Variants in TENM2 observed in about 807,000 individuals in gnomAD.
TENM2 encodes teneurin-2.
In TENM2, 52 loss-of-function variants were observed where a neutral mutation model predicts 245.2. The observed-to-expected ratio is 0.21, with a 90% CI of 0.17 to 0.27. The LOEUF is 0.27. Among genes scored for constraint, TENM2 ranks in the 10% least tolerant of loss-of-function variants. The pLI is 1.00. For missense variants in TENM2, 3,046 were observed against 3,666.8 expected (o/e 0.83, Z 4.37); for synonymous variants, 1,363 against 1,438.9 (o/e 0.95, Z 1.19).
At chr5:167,485,787 C>T (rs369117444) in intron 2 of TENM2, among the ~76,000 whole-genome samples, 64 of 152,182 alleles carry the variant, frequency 4.2e-4, no homozygotes, top group East Asian at 9.7e-4. Context: ...TTTTGTATCT[C>T]GGTACCTGTT....
chr5:167,774,448 C>A (rs1260502968), intron 2 of TENM2, among the ~76,000 whole-genome samples: 1 of 152,132 alleles, frequency 6.6e-6, no homozygotes, highest in Non-Finnish European at 1.5e-5. Context: ...CTTCTTTAGA[C>A]CTAGACGTGG....
chr5:167,530,752 T>G (rs1023677297), intron 2 of TENM2, among the ~76,000 whole-genome samples: 2 of 152,178 alleles, frequency 1.3e-5, no homozygotes, highest in African/African-American at 4.8e-5. Context: ...TGCCGTCCTT[T>G]CAGTGGGGAA....
At chr5:167,813,897 C>G (rs575546335) in intron 2 of TENM2, among the ~76,000 whole-genome samples, 5 of 152,284 alleles carry the variant, frequency 3.3e-5, no homozygotes, top group Admixed American at 6.5e-5. Context: ...GATGTGTTTT[C>G]TTATGGCTCT....
intron 2 of TENM2, among the ~76,000 whole-genome samples, chr5:167,792,278 A>G (rs918794): frequency 0.07 from 10,580 of 152,050 alleles, 438 homozygotes; most frequent in Middle Eastern, 0.092. Context: ...TATGGCCATG[A>G]TGTTGTCATT....
the TENM2 span, among the ~76,000 whole-genome samples, chr5:167,226,004 T>C: frequency 6.6e-6 from 1 of 151,982 alleles, no homozygotes; most frequent in African/African-American, 2.4e-5. Flanking sequence ...TTGTATCAGT[T>C]GTAATGCATC....
intron 2 of TENM2, among the ~76,000 whole-genome samples, chr5:167,410,858 G>C (rs1762873017): frequency 6.6e-6 from 1 of 152,004 alleles, no homozygotes; most frequent in South Asian, 2.1e-4. Context: ...ATTGTATTTA[G>C]CATGGAAAAG....
At chr5:167,562,971 A>G (rs543437241) in intron 2 of TENM2, among the ~76,000 whole-genome samples, 6 of 150,896 alleles carry the variant, frequency 4.0e-5, no homozygotes, top group Admixed American at 2.6e-4. Context: ...AAAAAAAAAA[A>G]AAAAGAAAAA....
At chr5:167,315,684 C>A (rs913012956) in intron 1 of TENM2, among the ~76,000 whole-genome samples, 1 of 151,820 alleles carries the variant, frequency 6.6e-6, no homozygotes, top group Non-Finnish European at 1.5e-5. Flanking sequence ...ATTTCAGGAG[C>A]TAGAGAATCC....
chr5:167,184,136 G>A, the TENM2 span, among the ~76,000 whole-genome samples: 1 of 152,166 alleles, frequency 6.6e-6, no homozygotes, highest in Non-Finnish European at 1.5e-5. Context: ...TCCTGTTGTT[G>A]AAAACATACT....
intron 25 of TENM2, among the ~76,000 whole-genome samples, chr5:168,240,720 GA>G (rs3832364): frequency 4.0e-5 from 6 of 149,814 alleles, no homozygotes; most frequent in African/African-American, 1.2e-4. Flanking sequence ...TGAGCAAAAA[GA>G]AAAAAAAATA....
chr5:167,958,399 T>C (rs146029712), intron 4 of TENM2, among the ~76,000 whole-genome samples: 2 of 152,226 alleles, frequency 1.3e-5, no homozygotes, highest in African/African-American at 4.8e-5. Context: ...GTCTCCTGAA[T>C]ACAGCACACT....
intron 2 of TENM2, among the ~76,000 whole-genome samples, chr5:167,567,285 A>G (rs1773966950): frequency 6.6e-6 from 1 of 152,140 alleles, no homozygotes; most frequent in African/African-American, 2.4e-5. Flanking sequence ...CAGGAGCATG[A>G]ATCTTTAGTG....
chr5:167,041,295 A>C, the TENM2 span, among the ~76,000 whole-genome samples: 1 of 152,192 alleles, frequency 6.6e-6, no homozygotes, highest in African/African-American at 2.4e-5. Context: ...TTTGATAGAG[A>C]AGATTCCCTC....
At chr5:167,991,595 C>G (rs1470909896) in intron 4 of TENM2, among the ~76,000 whole-genome samples, 1 of 152,110 alleles carries the variant, frequency 6.6e-6, no homozygotes, top group Non-Finnish European at 1.5e-5. Flanking sequence ...GACTCCCGAC[C>G]CTGAGGAGGA....
chr5:167,501,451 T>C (rs1011689810), intron 2 of TENM2, among the ~76,000 whole-genome samples: 1 of 152,232 alleles, frequency 6.6e-6, no homozygotes, highest in African/African-American at 2.4e-5. Flanking sequence ...AGTGACCCTT[T>C]CATGCTTTGG....
In TENM2 at chr5:167,382,104, T is replaced by A. The variant is rs1375134591; in HGVS notation, c.502+6631T>A. ...TTTAACACATAATTTTAAAGCTATT[T>A]TAATGTAAAAGTATTTAGGTGGACT... On this transcript the variant is annotated intron_variant, in intron 2 of 28. Transcript: ENST00000518659. Among the ~76,000 whole-genome samples, 4 of 152,294 alleles carry A rather than the reference T, an allele frequency of 2.6e-5. No homozygotes were observed. In the East Asian group the frequency reaches 7.7e-4, roughly 29 times the overall value.
intron 8 of TENM2, among the ~76,000 whole-genome samples, chr5:168,091,605 G>T (rs958044489): frequency 6.6e-6 from 1 of 152,178 alleles, no homozygotes; most frequent in African/African-American, 2.4e-5. Context: ...GAACCTCTGT[G>T]AATCAGGGAA....
At chr5:167,299,721 A>G (rs1174783796) in intron 1 of TENM2, among the ~76,000 whole-genome samples, 1 of 152,062 alleles carries the variant, frequency 6.6e-6, no homozygotes, top group Non-Finnish European at 1.5e-5. Context: ...AGAAGGAAAT[A>G]TGGGGAAATG....
At chr5:167,748,749 G>A (rs937556134) in intron 2 of TENM2, among the ~76,000 whole-genome samples, 1 of 152,014 alleles carries the variant, frequency 6.6e-6, no homozygotes, top group Non-Finnish European at 1.5e-5. Context: ...TGCAAGTAGG[G>A]GAAATGCCAA....
Sources: gnomAD v4.1 joint callset for allele counts (sites outside exome capture counted in the v4.1 genomes callset) on GRCh38, gnomAD v4.1.1 for gene constraint, MANE v1.5 for transcripts, NCBI Gene and HGNC (gene_info 2026-07-23, HGNC 2026-07-21) for gene names.